The following ARHGEF3 variants were observed in gnomAD, a reference collection of about 807,000 sequenced individuals.
The protein encoded by ARHGEF3 is 59.8 kDA protein.
Under a neutral mutation model 63.2 loss-of-function variants are expected in ARHGEF3, and 28 were observed. The ratio of observed to expected loss-of-function variants is 0.44; its 90% CI spans 0.33 to 0.61. ARHGEF3 has a LOEUF of 0.61. ARHGEF3 is among the 20% of genes least tolerant of loss of function. The probability of loss-of-function intolerance (pLI) is 0.03; values close to 1 mark genes in which losing one functional copy is unlikely to be tolerated. For missense variants in ARHGEF3, 533 were observed against 659.3 expected, an observed-to-expected ratio of 0.81 and a Z score of 2.10; for synonymous variants, 266 against 254.2, an observed-to-expected ratio of 1.05 and a Z score of -0.44.
intron 7 of ARHGEF3, 65 bp from the exon 8 acceptor site, chr3:56,737,420 G>A (rs2033702380): frequency 1.4e-6 from 2 of 1,409,504 alleles, no homozygotes; most frequent in Admixed American, 3.8e-5. Context: ...CCAAGTCTTA[G>A]GGGCTCAGCC....
chr3:56,944,844 G>T (rs1190770582), intron 3 of ARHGEF3, among the ~76,000 whole-genome samples: 2 of 152,090 alleles, frequency 1.3e-5, no homozygotes, highest in Non-Finnish European at 2.9e-5. Flanking sequence ...CTCCCAAAGT[G>T]CTGGAATTAC....
In ARHGEF3 at chr3:57,035,207, A is replaced by T. The variant is rs9872027; in HGVS notation, c.-27-31T>A. Reference sequence around the variant, plus strand: ...TTAAAAAGCAAAACAACCAACATTTATCATCTAGGTACATTTATGTTATAA... The same window carrying T: ...TTAAAAAGCAAAACAACCAACATTTTTCATCTAGGTACATTTATGTTATAA... On this transcript the variant is annotated intron_variant, in intron 1 of 12. Coordinates refer to the ARHGEF3 transcript ENST00000338458. The T allele has an allele frequency of 3.5e-3, 4,318 of 1,232,696 alleles. 105 individuals carry two copies. The African/African-American group carries it at 0.057, about 16-fold the overall frequency. 76.4% of individuals were successfully genotyped at this position (1,232,696 alleles called of 1,614,324 possible).
At chr3:56,910,078 G>A in intron 3 of ARHGEF3, among the ~76,000 whole-genome samples, 1 of 152,182 alleles carries the variant, frequency 6.6e-6, no homozygotes, top group Non-Finnish European at 1.5e-5. Context: ...GTTATTGTTT[G>A]CCACTGAGTT....
At chr3:56,878,068 T>C (rs1478767007) in intron 4 of ARHGEF3, among the ~76,000 whole-genome samples, 1 of 152,238 alleles carries the variant, frequency 6.6e-6, no homozygotes. Flanking sequence ...ATTTTTACAT[T>C]ACTTTATCAT....
intron 2 of ARHGEF3, among the ~76,000 whole-genome samples, chr3:56,973,177 C>T (rs945081024): frequency 6.6e-5 from 10 of 151,936 alleles, no homozygotes; most frequent in African/African-American, 1.5e-4. Flanking sequence ...CCACCACGCC[C>T]GGCTAATTTT....
In ARHGEF3 at chr3:57,073,485, A is replaced by C. The variant is rs75855323; in HGVS notation, c.-28+5741T>G. On this transcript the variant is annotated intron_variant, in intron 1 of 12. Coordinates refer to the ARHGEF3 transcript ENST00000338458. The stretch of plus-strand genomic sequence containing the variant: ...AAACAGCAGAAGCAAAGATGTGAAC[A>C]TGGGAAAACCTCTGCAGTATCTGGG... The C allele has an allele frequency of 0.016, 11,224 of 687,662 alleles. 912 individuals are homozygous for C. The African/African-American group carries it at 0.18, about 11-fold the overall frequency. The allele number at this position is 687,662 out of a possible 1,614,324, so 42.6% of individuals were successfully genotyped here. A position where few individuals can be genotyped will look rare whatever the true frequency, so the allele number is the denominator to read the frequency against.
At chr3:57,014,160 C>T (rs1702850744) in intron 2 of ARHGEF3, among the ~76,000 whole-genome samples, 1 of 152,282 alleles carries the variant, frequency 6.6e-6, no homozygotes, top group South Asian at 2.1e-4. Context: ...TTTGCAGCTT[C>T]ACTCTTGAAG....
intron 3 of ARHGEF3, among the ~76,000 whole-genome samples, chr3:56,930,972 T>C (rs997694421): frequency 1.3e-5 from 2 of 152,120 alleles, no homozygotes; most frequent in African/African-American, 4.8e-5. Flanking sequence ...CTCTGGATAA[T>C]GAGATGAGTA....
At chr3:56,976,345 T>C (rs1052117904) in intron 2 of ARHGEF3, among the ~76,000 whole-genome samples, 2 of 152,080 alleles carry the variant, frequency 1.3e-5, no homozygotes, top group Non-Finnish European at 2.9e-5. Flanking sequence ...ATCCGGTCAA[T>C]TCATGTTTTT....
At chr3:56,950,449 C>A (rs1699745934) in intron 3 of ARHGEF3, among the ~76,000 whole-genome samples, 1 of 152,014 alleles carries the variant, frequency 6.6e-6, no homozygotes, top group African/African-American at 2.4e-5. Flanking sequence ...AAAGAAACAA[C>A]CCCATCAAAA....
chr3:56,991,760 G>T (rs1701754023), intron 2 of ARHGEF3, among the ~76,000 whole-genome samples: 1 of 152,056 alleles, frequency 6.6e-6, no homozygotes, highest in African/African-American at 2.4e-5. Context: ...GATTACAGGG[G>T]CATGCCACCA....
chr3:56,744,440 C>A (rs1339796234), intron 7 of ARHGEF3, among the ~76,000 whole-genome samples: 1 of 149,092 alleles, frequency 6.7e-6, no homozygotes, highest in African/African-American at 2.5e-5. Context: ...CTCTGTTGCC[C>A]AGGCTGGAGT....
chr3:56,847,417 C>G (rs1046724313), intron 4 of ARHGEF3, among the ~76,000 whole-genome samples: 1 of 152,160 alleles, frequency 6.6e-6, no homozygotes, highest in African/African-American at 2.4e-5. Context: ...TAGTAAGATG[C>G]TTTCAAGGTG....
intron 2 of ARHGEF3, among the ~76,000 whole-genome samples, chr3:56,760,857 C>G (rs1049584330): frequency 6.6e-6 from 1 of 152,162 alleles, no homozygotes; most frequent in Non-Finnish European, 1.5e-5. Flanking sequence ...TGGCTGATAT[C>G]TGACCAATCA....
At chr3:56,752,823 T>C (rs2034853322) in intron 4 of ARHGEF3, among the ~76,000 whole-genome samples, 4 of 152,170 alleles carry the variant, frequency 2.6e-5, no homozygotes, top group African/African-American at 9.7e-5. Context: ...CTCTCAGGAA[T>C]GCTAGAGGTG....
intron 4 of ARHGEF3, among the ~76,000 whole-genome samples, chr3:56,814,371 C>T (rs1222344868): frequency 6.6e-6 from 1 of 152,152 alleles, no homozygotes; most frequent in Non-Finnish European, 1.5e-5. Flanking sequence ...GACAATTCTT[C>T]TTCCACTGTG....
intron 2 of ARHGEF3, among the ~76,000 whole-genome samples, chr3:56,763,848 T>TA (rs2035558505): frequency 6.6e-6 from 1 of 152,160 alleles, no homozygotes. Context: ...GTGATGGAAT[T>TA]ACAGGTGTGA....
intron 2 of ARHGEF3, among the ~76,000 whole-genome samples, chr3:56,964,962 A>G (rs1700428791): frequency 6.6e-6 from 1 of 152,246 alleles, no homozygotes; most frequent in Admixed American, 6.5e-5. Context: ...ATAGGGTCAC[A>G]TAACTACAGA....
At chr3:56,982,097 C>T (rs1701348720) in intron 2 of ARHGEF3, among the ~76,000 whole-genome samples, 1 of 152,144 alleles carries the variant, frequency 6.6e-6, no homozygotes, top group South Asian at 2.1e-4. Context: ...GCATCTTGTG[C>T]AGAAAGCTTA....
Sources: gnomAD v4.1 joint callset for allele counts (sites outside exome capture counted in the v4.1 genomes callset) on GRCh38, gnomAD v4.1.1 for gene constraint, MANE v1.5 for transcripts, NCBI Gene and HGNC (gene_info 2026-07-23, HGNC 2026-07-21) for gene names.